Variants in LHFPL2 observed in about 807,000 individuals in gnomAD.
LHFPL2 encodes LHFPL tetraspan subfamily member 2 protein.
LHFPL2 carries 7 observed loss-of-function variants against 17.5 expected under a neutral mutation model. The ratio of observed to expected loss-of-function variants is 0.40; its 90% confidence interval spans 0.23 to 0.75. LHFPL2 has a LOEUF of 0.75. Ranked by LOEUF, LHFPL2 falls within the 30% of genes least tolerant of loss-of-function variation. The pLI, the probability that LHFPL2 is intolerant of heterozygous loss-of-function variation, is 0.37. For synonymous variants in LHFPL2, 134 were observed against 116.2 expected, an observed-to-expected ratio of 1.15 and a Z score of -0.99; for missense variants, 241 against 294.8, an observed-to-expected ratio of 0.82 and a Z score of 1.34.
At chr5:78,533,444 A>G (rs1444752765) in intron 3 of LHFPL2, among the ~76,000 whole-genome samples, 1 of 152,226 alleles carries the variant, frequency 6.6e-6, no homozygotes, top group East Asian at 1.9e-4. Context: ...ATTAGTTTGT[A>G]AAAGTCCTGT....
At chr5:78,626,508 C>T (rs1010273017) in intron 2 of LHFPL2, 2 of 152,142 alleles carry the variant, frequency 1.3e-5, no homozygotes, top group African/African-American at 4.8e-5. Context: ...CTCCACGCCC[C>T]ACCCCCAGCA....
At chr5:78,490,746 C>CAAAA (rs370809060) in intron 4 of LHFPL2, among the ~76,000 whole-genome samples, 32,123 of 91,410 alleles carry the variant, frequency 0.35, 6,318 homozygotes, top group Non-Finnish European at 0.45. Context: ...GACTCCCTCT[C>CAAAA]AAAAAAAAAA....
intron 2 of LHFPL2, among the ~76,000 whole-genome samples, chr5:78,597,776 C>A (rs1743878204): frequency 6.6e-6 from 1 of 152,164 alleles, no homozygotes; most frequent in Non-Finnish European, 1.5e-5. Context: ...AAGTGAAGAA[C>A]AACATGGTCC....
chr5:78,560,050 C>T (rs1421940447), intron 3 of LHFPL2, among the ~76,000 whole-genome samples: 1 of 152,182 alleles, frequency 6.6e-6, no homozygotes. Flanking sequence ...TGAGTACACA[C>T]AATCAAAGAA....
chr5:78,604,200 G>A (rs1045738826), intron 2 of LHFPL2, among the ~76,000 whole-genome samples: 16 of 152,052 alleles, frequency 1.1e-4, no homozygotes, highest in Admixed American at 2.6e-4. Flanking sequence ...AAGTCAGGCC[G>A]GGCATGGTGG....
At chr5:78,572,009 G>A (rs563060901) in intron 2 of LHFPL2, among the ~76,000 whole-genome samples, 24 of 152,264 alleles carry the variant, frequency 1.6e-4, no homozygotes, top group African/African-American at 5.3e-4. Context: ...ATGAATACAC[G>A]CGTGGGCAGA....
At chr5:78,578,339 G>C (rs1176638577) in intron 2 of LHFPL2, among the ~76,000 whole-genome samples, 1 of 152,290 alleles carries the variant, frequency 6.6e-6, no homozygotes, top group East Asian at 1.9e-4. Flanking sequence ...AACCTCAGGG[G>C]CTGGGAAGAG....
chr5:78,623,449 A>T (rs1161606802), intron 2 of LHFPL2, among the ~76,000 whole-genome samples: 1 of 152,222 alleles, frequency 6.6e-6, no homozygotes, highest in Non-Finnish European at 1.5e-5. Context: ...ATAGACCCCC[A>T]TAGATTGCTT....
At chr5:78,601,546 G>A (rs545066407) in intron 2 of LHFPL2, among the ~76,000 whole-genome samples, 6 of 152,266 alleles carry the variant, frequency 3.9e-5, no homozygotes, top group African/African-American at 1.2e-4. Context: ...AACTAATAAC[G>A]AGTAAATCTA....
chr5:78,643,570 CT>C lies in LHFPL2; in HGVS notation c.-350+4928del, dbSNP rs879413822. On this transcript the variant is annotated intron_variant, in intron 1 of 4. Transcript: ENST00000380345. ...CATTATGTCAACAAAACAGCCACAA[CT>C]TTTTTTTTTTGAAATTACAGAAGTG... is the stretch of plus-strand genomic sequence containing the variant. 1.9e-3 allele frequency among the ~76,000 whole-genome samples: 279 copies of C among 147,834 alleles called. 2 individuals carry two copies. Among genetic ancestry groups the C allele is most frequent in the African/African-American group, 3.9e-3 (157 of 40,608 alleles).
intron 3 of LHFPL2, among the ~76,000 whole-genome samples, chr5:78,537,182 T>C (rs1755974312): frequency 6.6e-6 from 1 of 152,108 alleles, no homozygotes. Flanking sequence ...GCCCCAGATC[T>C]GAGATCCACC....
At chr5:78,530,746 G>A (rs932881721) in intron 3 of LHFPL2, among the ~76,000 whole-genome samples, 1 of 152,204 alleles carries the variant, frequency 6.6e-6, no homozygotes, top group East Asian at 1.9e-4. Flanking sequence ...ACCTGCCAGA[G>A]AATTCCATAT....
chr5:78,509,945 C>A lies in LHFPL2; in HGVS notation c.269G>T (p.Gly90Val). Residue 90 changes from glycine (G) to valine (V), a missense_variant, in exon 4 of 5, where the codon GGC (glycine) becomes GTC (valine). By Grantham distance (109) the Gly-to-Val change is moderately radical (BLOSUM62 -3). Transcript: ENST00000380345. ...TLCGPYAESF[G>V]EIASGFWQAT... Reference sequence around the variant, plus strand: ...CTGCCAGAAGCCGCTGGCGATCTCGCCGAAGCTCTCGGCGTAGGGCCCGCA... The same window carrying A: ...CTGCCAGAAGCCGCTGGCGATCTCGACGAAGCTCTCGGCGTAGGGCCCGCA... 1 of 1,613,826 alleles carries A rather than the reference C, an allele frequency of 6.2e-7. No homozygotes were observed. The highest frequency in any genetic ancestry group is 2.2e-5 in the East Asian group (1 of 44,872).
At chr5:78,625,703 T>A (rs1163250741) in intron 2 of LHFPL2, 2 of 152,258 alleles carry the variant, frequency 1.3e-5, no homozygotes, top group African/African-American at 4.8e-5. Context: ...AGTCGTATCT[T>A]CATTTATGTC....
intron 3 of LHFPL2, among the ~76,000 whole-genome samples, chr5:78,522,206 C>A (rs1046010138): frequency 6.6e-6 from 1 of 152,048 alleles, no homozygotes; most frequent in Non-Finnish European, 1.5e-5. Flanking sequence ...GAGGCCCAGG[C>A]GGGTGGATCA....
chr5:78,613,174 C>T (rs1744475098), intron 2 of LHFPL2, among the ~76,000 whole-genome samples: 1 of 152,212 alleles, frequency 6.6e-6, no homozygotes, highest in African/African-American at 2.4e-5. Context: ...CCCTTATCAG[C>T]TTTCTACCTC....
At chr5:78,574,329 G>A (rs1326002153) in intron 2 of LHFPL2, among the ~76,000 whole-genome samples, 2 of 152,220 alleles carry the variant, frequency 1.3e-5, no homozygotes, top group African/African-American at 4.8e-5. Flanking sequence ...GCCCCAGGAG[G>A]AGAGGCTGAG....
rs1754354741 is a variant in LHFPL2 at position 78,489,160 on chromosome 5, A to G, written c.431-7T>C. ...CCGAGGATAAGGAATAGACCTGCAG[A>G]ACAAAAGAGAAAACAGATTAGAAAA... On this transcript the variant is annotated splice_region_variant and splice_polypyrimidine_tract_variant and intron_variant, in intron 4 of 4. Transcript: ENST00000380345. 1 of 1,613,484 alleles carries G rather than the reference A, an allele frequency of 6.2e-7. No homozygotes were observed. The highest frequency in any genetic ancestry group is 8.5e-7 in the Non-Finnish European group (1 of 1,179,634).
At chr5:78,493,028 T>C (rs1167157779) in intron 4 of LHFPL2, among the ~76,000 whole-genome samples, 2 of 152,244 alleles carry the variant, frequency 1.3e-5, no homozygotes, top group Non-Finnish European at 2.9e-5. Flanking sequence ...CTGCCCTCTA[T>C]GATCCCTCAC....
Sources: gnomAD v4.1 joint callset for allele counts (sites outside exome capture counted in the v4.1 genomes callset) on GRCh38, gnomAD v4.1.1 for gene constraint, MANE v1.5 for transcripts, NCBI Gene and HGNC (gene_info 2026-07-23, HGNC 2026-07-21) for gene names.